Variants in XPO7 observed in about 807,000 individuals in gnomAD.
XPO7 encodes the protein exportin-7.
XPO7 carries 21 observed loss-of-function variants against 144.3 expected under a neutral mutation model. That is an observed-to-expected ratio of 0.15 (90% CI 0.10 to 0.21). The LOEUF (loss-of-function observed/expected upper bound fraction) is 0.21, where lower values mean the gene tolerates loss of function less well. Among genes scored for constraint, XPO7 ranks in the 10% least tolerant of loss-of-function variants. XPO7 has a pLI of 1.00. For synonymous variants in XPO7, 580 were observed against 499.6 expected (o/e 1.16, Z -2.15); for missense variants, 808 against 1,325.8 (o/e 0.61, Z 6.06).
At position 22,006,440 on chromosome 8, in the gene XPO7, G is replaced by A. The variant is rs1216169100; in HGVS notation, c.*1352G>A. The stretch of plus-strand genomic sequence containing the variant: ...TTCTTTCCTCTACCCCCAGAAACAA[G>A]CCTGTTAATTTTTTTTCCTTCTCCT... On this transcript the variant is annotated 3_prime_UTR_variant, in exon 28 of 28. Coordinates refer to ENST00000252512, the MANE Select transcript of XPO7 (RefSeq NM_015024.5). 2 of 152,048 alleles carry A rather than the reference G, an allele frequency of 1.3e-5. No individual in the cohort carries two copies. Among genetic ancestry groups the A allele is most frequent in the Admixed American group, 6.6e-5 (1 of 15,258 alleles). 9.4% of individuals were successfully genotyped at this position (152,048 alleles called of 1,614,324 possible).
At chr8:21,985,265 C>T (rs1812542228) in intron 12 of XPO7, among the ~76,000 whole-genome samples, 1 of 152,206 alleles carries the variant, frequency 6.6e-6, no homozygotes, top group Non-Finnish European at 1.5e-5. Context: ...GAGATAAGTA[C>T]AGATAGTAAC....
intron 7 of XPO7, among the ~76,000 whole-genome samples, chr8:21,977,280 C>T (rs1031442172): frequency 1.1e-4 from 16 of 152,094 alleles, no homozygotes; most frequent in Admixed American, 9.8e-4. Flanking sequence ...TAAAATAGTA[C>T]TTTCAAAAAA....
At chr8:21,987,394 C>A in intron 14 of XPO7, 118 bp downstream of exon 14, 1 of 1,393,280 alleles carries the variant, frequency 7.2e-7, no homozygotes, top group Non-Finnish European at 9.7e-7. Flanking sequence ...ATAGGACAGT[C>A]CAAATGTTTT....
intron 1 of XPO7, among the ~76,000 whole-genome samples, chr8:21,957,653 A>T (rs1305525139): frequency 6.6e-6 from 1 of 152,178 alleles, no homozygotes. Flanking sequence ...TCAATCTGCC[A>T]TTTTAATATG....
chr8:22,002,539 G>T lies in XPO7; in HGVS notation c.2943+267G>T, dbSNP rs181680831. 2.6e-5 allele frequency among the ~76,000 whole-genome samples: 4 copies of T among 152,242 alleles called. No individual in the cohort carries two copies. The East Asian group carries it at 7.7e-4, about 29-fold the overall frequency. ...GTCTCATGATCACTATCCTCTTTCT[G>T]TGAAAATTACTTTGCTCACCCACTG... On this transcript the variant is annotated intron_variant, in intron 25 of 27. Coordinates refer to ENST00000252512, the MANE Select transcript of XPO7 (RefSeq NM_015024.5).
intron 5 of XPO7, 173 bp downstream of exon 5, chr8:21,972,114 C>T (rs1017867472): frequency 3.6e-5 from 20 of 550,700 alleles, no homozygotes; most frequent in Admixed American, 5.9e-5. Context: ...AATTGCAACT[C>T]ACCTCACTTT....
chr8:21,969,742 G>C (rs1449586685), intron 3 of XPO7, 166 bp downstream of exon 3: 1 of 664,650 alleles, frequency 1.5e-6, no homozygotes, highest in South Asian at 2.0e-5. Context: ...TGAAAGTGAA[G>C]GGCCCGACGC....
At chr8:21,956,400 G>C (rs1261472719) in intron 1 of XPO7, among the ~76,000 whole-genome samples, 2 of 152,128 alleles carry the variant, frequency 1.3e-5, no homozygotes, top group Admixed American at 6.5e-5. Context: ...CTCGGGTGTG[G>C]GTTGACTTTC....
intron 13 of XPO7, 98 bp downstream of exon 13, chr8:21,985,789 C>G (rs1471699628): frequency 1.1e-5 from 11 of 1,021,128 alleles, no homozygotes; most frequent in Non-Finnish European, 1.5e-5. Context: ...TCTGAACATG[C>G]TAACTGCCCA....
chr8:21,948,159 G>A (rs1369704663), intron 1 of XPO7, among the ~76,000 whole-genome samples: 1 of 152,166 alleles, frequency 6.6e-6, no homozygotes, highest in Admixed American at 6.5e-5. Flanking sequence ...GAAGCAGAGC[G>A]CAGATTTCAC....
At chr8:21,928,604 T>C (rs1404517578) in intron 1 of XPO7, among the ~76,000 whole-genome samples, 1 of 152,226 alleles carries the variant, frequency 6.6e-6, no homozygotes, top group African/African-American at 2.4e-5. Context: ...TGTTTTTAGT[T>C]TGTACTTCTT....
chr8:21,920,630 G>A (rs991173645), intron 1 of XPO7, among the ~76,000 whole-genome samples: 1 of 152,152 alleles, frequency 6.6e-6, no homozygotes, highest in Non-Finnish European at 1.5e-5. Flanking sequence ...CCCTAGAAAG[G>A]GACAGCCCAT....
chr8:21,977,685 G>T (rs1812271476), intron 7 of XPO7, 85 bp from the exon 8 acceptor site: 1 of 1,249,504 alleles, frequency 8.0e-7, no homozygotes, highest in Non-Finnish European at 1.2e-6. Context: ...AGAAGGATGT[G>T]CTCCCTGATG....
chr8:21,945,349 TAGAC>T (rs111707675), intron 1 of XPO7, among the ~76,000 whole-genome samples: 24,809 of 152,154 alleles, frequency 0.16, 2,801 homozygotes, highest in African/African-American at 0.32. Flanking sequence ...ATGCTGGTCA[TAGAC>T]AGAGGGGGTA....
intron 1 of XPO7, among the ~76,000 whole-genome samples, chr8:21,961,199 A>G (rs1327108795): frequency 2.0e-5 from 3 of 148,364 alleles, no homozygotes; most frequent in African/African-American, 4.9e-5. Flanking sequence ...GCTGGGTCAC[A>G]GGGTGTTTTT....
intron 1 of XPO7, among the ~76,000 whole-genome samples, chr8:21,938,049 C>G (rs980016036): frequency 4.7e-4 from 71 of 151,976 alleles, no homozygotes; most frequent in African/African-American, 1.6e-3. Flanking sequence ...CTCACAAGCC[C>G]TCTGGTATTG....
rs34592897 is a variant in XPO7, at chr8:21,933,096, ATTTTTTT to A, written c.18+13324_18+13330del. On this transcript the variant is annotated intron_variant, in intron 1 of 27. Coordinates refer to ENST00000252512, the MANE Select transcript of XPO7 (RefSeq NM_015024.5). The stretch of plus-strand genomic sequence containing the variant: ...GGAAATTTACTTCTCCTTTTGCTGG[ATTTTTTT>A]TTTTTTTTTTTTTTTGAGATGGAGT... 1.3e-4 allele frequency among the ~76,000 whole-genome samples: 14 copies of A among 110,758 alleles called. No homozygotes were observed. In the East Asian group the frequency reaches 3.1e-3, roughly 24 times the overall value. 72.7% of individuals were successfully genotyped at this position (110,758 alleles called of 152,430 possible). A position where few individuals can be genotyped will look rare whatever the true frequency, so the allele number is the denominator to read the frequency against.
At chr8:21,973,427 A>C (rs896330434) in intron 5 of XPO7, among the ~76,000 whole-genome samples, 1 of 152,250 alleles carries the variant, frequency 6.6e-6, no homozygotes. Context: ...ATAATCTAGC[A>C]AGACCTTTAT....
rs543442360 is a variant in XPO7, at chr8:21,985,091, C to T, written c.1471+252C>T. ...GCTATGTTGCCACGTGGGCCTTGTA[C>T]TTCTTGGCTCAAGTGATCCTCCTGC... On this transcript the variant is annotated intron_variant, in intron 12 of 27. Coordinates refer to ENST00000252512, the MANE Select transcript of XPO7 (RefSeq NM_015024.5). Among the ~76,000 whole-genome samples the T allele has an allele frequency of 5.6e-4, 86 of 152,284 alleles. 1 individual carries two copies. The highest frequency in any genetic ancestry group is 5.6e-3 in the Admixed American group (86 of 15,296).
Sources: gnomAD v4.1 joint callset for allele counts (sites outside exome capture counted in the v4.1 genomes callset) on GRCh38, gnomAD v4.1.1 for gene constraint, MANE v1.5 for transcripts, NCBI Gene and HGNC (gene_info 2026-07-23, HGNC 2026-07-21) for gene names.